Variants in PRELID2 observed in about 807,000 individuals in gnomAD.
PRELID2 encodes PRELI domain-containing protein 2.
In PRELID2, 25 loss-of-function variants were observed where a neutral mutation model predicts 28.4. That is an observed-to-expected ratio of 0.88 (90% CI 0.64 to 1.23). The LOEUF is 1.23. PRELID2 is among the 50% of genes most tolerant of loss of function. The probability of loss-of-function intolerance (pLI) is 0.00; values close to 1 mark genes in which losing one functional copy is unlikely to be tolerated. For synonymous variants in PRELID2, 76 were observed against 71.6 expected (o/e 1.06, Z -0.31); for missense variants, 201 against 214.4 (o/e 0.94, Z 0.39).
At chr5:145,508,871 G>A (rs1752437530) in intron 1 of PRELID2, among the ~76,000 whole-genome samples, 1 of 152,202 alleles carries the variant, frequency 6.6e-6, no homozygotes, top group Admixed American at 6.5e-5. Context: ...ACATCATCCT[G>A]TGGCAGGGAA....
chr5:145,266,366 A>G, the PRELID2 span, among the ~76,000 whole-genome samples: 15 of 152,164 alleles, frequency 9.9e-5, no homozygotes, highest in African/African-American at 3.6e-4. Flanking sequence ...AAGCAAAAAA[A>G]AAAAAGGGCT....
At chr5:145,747,561 G>C (rs1388374146) in intron 1 of PRELID2, among the ~76,000 whole-genome samples, 2 of 152,124 alleles carry the variant, frequency 1.3e-5, no homozygotes, top group Non-Finnish European at 2.9e-5. Flanking sequence ...AAAAGCCCAG[G>C]ACCAGATTGA....
At chr5:145,617,289 T>A (rs915197707) in intron 1 of PRELID2, among the ~76,000 whole-genome samples, 1 of 152,174 alleles carries the variant, frequency 6.6e-6, no homozygotes, top group Non-Finnish European at 1.5e-5. Context: ...AAGACAGGCA[T>A]AGGAAATCAC....
At chr5:145,368,451 C>T in the PRELID2 span, among the ~76,000 whole-genome samples, 2 of 151,846 alleles carry the variant, frequency 1.3e-5, no homozygotes, top group African/African-American at 4.8e-5. Flanking sequence ...GCATTTAAGC[C>T]CATACCCCAC....
chr5:145,312,965 T>C, the PRELID2 span, among the ~76,000 whole-genome samples: 2 of 152,084 alleles, frequency 1.3e-5, no homozygotes, highest in African/African-American at 4.8e-5. Flanking sequence ...AAGAAATCTA[T>C]AAATTCAGTG....
chr5:145,699,322 G>C (rs1755354755), intron 1 of PRELID2, among the ~76,000 whole-genome samples: 1 of 152,008 alleles, frequency 6.6e-6, no homozygotes, highest in Non-Finnish European at 1.5e-5. Flanking sequence ...GGAAAACTGG[G>C]ACCAGTGTAT....
At chr5:145,278,155 T>G in the PRELID2 span, among the ~76,000 whole-genome samples, 3 of 152,162 alleles carry the variant, frequency 2.0e-5, no homozygotes, top group African/African-American at 4.8e-5. Flanking sequence ...CTCACACTTT[T>G]GTTCCCTCTT....
At chr5:145,447,561 G>A in the PRELID2 span, among the ~76,000 whole-genome samples, 1,283 of 132,384 alleles carry the variant, frequency 9.7e-3, 63 homozygotes, top group East Asian at 0.073. Context: ...ATGCTGGTGC[G>A]CTGCACCCAC....
chr5:145,556,177 C>CAA (rs1231402100), intron 1 of PRELID2, among the ~76,000 whole-genome samples: 54 of 61,164 alleles, frequency 8.8e-4, no homozygotes, highest in Admixed American at 9.7e-4. Context: ...GACTCTATCT[C>CAA]AAAAAAAAAA....
At chr5:145,326,740 T>A in the PRELID2 span, among the ~76,000 whole-genome samples, 1 of 151,732 alleles carries the variant, frequency 6.6e-6, no homozygotes, top group Non-Finnish European at 1.5e-5. Flanking sequence ...AATAGTAACC[T>A]CAAACTCCTA....
the PRELID2 span, among the ~76,000 whole-genome samples, chr5:145,422,453 C>G: frequency 6.6e-6 from 1 of 152,176 alleles, no homozygotes; most frequent in Non-Finnish European, 1.5e-5. Flanking sequence ...ATAGTTAGCT[C>G]TTCTTGTTGA....
the PRELID2 span, among the ~76,000 whole-genome samples, chr5:145,392,386 A>C: frequency 6.6e-6 from 1 of 152,100 alleles, no homozygotes; most frequent in African/African-American, 2.4e-5. Flanking sequence ...CTATCAAGAG[A>C]ACAGCATGAG....
At chr5:145,649,721 C>T (rs1362814160) in intron 1 of PRELID2, among the ~76,000 whole-genome samples, 1 of 152,188 alleles carries the variant, frequency 6.6e-6, no homozygotes, top group Admixed American at 6.5e-5. Flanking sequence ...GATTGCATTT[C>T]AAGGCTCCAA....
chr5:145,235,063 A>G, the PRELID2 span, among the ~76,000 whole-genome samples: 2 of 152,150 alleles, frequency 1.3e-5, no homozygotes, highest in African/African-American at 4.8e-5. Flanking sequence ...TAATATTATG[A>G]TGCAGGAAGT....
At chr5:145,821,219 C>CTGTG (rs1234241639) in intron 2 of PRELID2, among the ~76,000 whole-genome samples, 1 of 100,878 alleles carries the variant, frequency 9.9e-6, no homozygotes, top group Non-Finnish European at 2.1e-5. Context: ...AAGTCCTCTT[C>CTGTG]TGTGTGTGTG....
chr5:145,698,367 A>G (rs1755329399), intron 1 of PRELID2, among the ~76,000 whole-genome samples: 3 of 152,206 alleles, frequency 2.0e-5, no homozygotes, highest in Admixed American at 2.0e-4. Context: ...TATAGTCTAC[A>G]GGAGAAGAGA....
chr5:145,261,109 G>A, the PRELID2 span, among the ~76,000 whole-genome samples: 2 of 152,068 alleles, frequency 1.3e-5, no homozygotes, highest in African/African-American at 2.4e-5. Flanking sequence ...ACCCAGGAAC[G>A]TAATTTCATT....
intron 1 of PRELID2, among the ~76,000 whole-genome samples, chr5:145,673,729 T>A (rs1017606321): frequency 1.3e-5 from 2 of 151,932 alleles, no homozygotes; most frequent in African/African-American, 2.4e-5. Context: ...AGATTAAAAG[T>A]AAAAAATGGA....
At chr5:145,787,952 T>C (rs1581203681) in intron 5 of PRELID2, among the ~76,000 whole-genome samples, 1 of 152,130 alleles carries the variant, frequency 6.6e-6, no homozygotes. Context: ...GAAAATTGTC[T>C]AAAAAGGCTC....
Sources: allele counts gnomAD v4.1 joint callset (sites outside exome capture counted in the v4.1 genomes callset), GRCh38; gene constraint gnomAD v4.1.1; transcripts MANE v1.5; gene names NCBI Gene and HGNC (gene_info 2026-07-23, HGNC 2026-07-21).